BRWD1: variants seen among roughly 807,000 people sequenced by gnomAD.
The protein encoded by BRWD1 is bromodomain and WD repeat domain containing 1, also known as bromodomain and WD repeat-containing protein 1.
Under a neutral mutation model 251.2 loss-of-function variants are expected in BRWD1, and 82 were observed. That is an observed-to-expected ratio of 0.33 (90% confidence interval 0.27 to 0.39). The LOEUF (loss-of-function observed/expected upper bound fraction) is 0.39, where lower values mean the gene tolerates loss of function less well. BRWD1 is among the 10% of genes least tolerant of loss of function. The probability of loss-of-function intolerance (pLI) is 1.00; values close to 1 mark genes in which losing one functional copy is unlikely to be tolerated. For missense variants in BRWD1, 2,233 were observed against 2,711.6 expected (o/e 0.82, Z 3.92); for synonymous variants, 918 against 902.8 (o/e 1.02, Z -0.30).
chr21:39,231,357 TC>T (rs2033609542), intron 25 of BRWD1, among the ~76,000 whole-genome samples: 1 of 152,102 alleles, frequency 6.6e-6, no homozygotes, highest in African/African-American at 2.4e-5. Context: ...TGAAAATGTA[TC>T]CATCATTCAT....
In BRWD1 at chr21:39,189,994, G is replaced by C; in HGVS notation, c.*6265C>G. 2 of 985,354 alleles carry C rather than the reference G, an allele frequency of 2.0e-6. No homozygotes were observed. The highest frequency in any genetic ancestry group is 2.4e-6 in the Non-Finnish European group (2 of 829,906). 61.0% of individuals were successfully genotyped at this position (985,354 alleles called of 1,614,324 possible). A position where few individuals can be genotyped will look rare whatever the true frequency, so the allele number is the denominator to read the frequency against. On this transcript the variant is annotated 3_prime_UTR_variant, in exon 41 of 41. Transcript: ENST00000342449. The stretch of plus-strand genomic sequence containing the variant: ...GAGTGCTTGAGGACTTGTTTTCCTG[G>C]AAGTGATTCCCTACTTGGGTATGGC...
rs781176671 is a variant in BRWD1, at chr21:39,228,564, A to G, written c.3144T>C (p.Asp1048=). 1 of 1,611,542 alleles carries G rather than the reference A, an allele frequency of 6.2e-7. No individual in the cohort carries two copies. Among genetic ancestry groups the G allele is most frequent in the Non-Finnish European group, 8.5e-7 (1 of 1,178,010 alleles). ...SFSIRYHDMP[D]VIDFLVLRQF... is the part of the protein sequence containing the mutation. ...GACGCAATACAAGAAAGTCAATAAC[A>G]TCTGGCATATCATGATATCTAGACA... The change falls in exon 27 of 41, where the codon GAT becomes GAC. Residue 1048 remains aspartate, a synonymous_variant. Transcript: ENST00000342449.
chr21:39,207,451 A>AACAC (rs58765400), intron 36 of BRWD1, among the ~76,000 whole-genome samples: 2,792 of 131,294 alleles, frequency 0.021, 59 homozygotes, highest in Non-Finnish European at 0.03. Context: ...AAAAAAAGAA[A>AACAC]ACACACACAC....
chr21:39,218,015 T>G, intron 31 of BRWD1, 137 bp downstream of exon 31: 1 of 945,066 alleles, frequency 1.1e-6, no homozygotes, highest in Non-Finnish European at 1.5e-6. Flanking sequence ...TCTAACACCA[T>G]CTGACAATGA....
rs1215395988 is a variant in BRWD1 at position 39,195,501 on chromosome 21, T to G, written c.*758A>C. The G allele has an allele frequency of 3.5e-5, 34 of 984,902 alleles. No homozygotes were observed. The highest frequency in any genetic ancestry group is 3.7e-5 in the Non-Finnish European group (31 of 829,208). 61.0% of individuals were successfully genotyped at this position (984,902 alleles called of 1,614,324 possible). On this transcript the variant is annotated 3_prime_UTR_variant, in exon 41 of 41. Transcript: ENST00000342449. ...GAAGACAGATTATATAGCATTTTGT[T>G]AGTGCACAATTTAAAAGAAAATGCT...
chr21:39,313,197 A>T, intron 2 of BRWD1, 44 bp downstream of exon 2: 1 of 1,517,096 alleles, frequency 6.6e-7, no homozygotes, highest in Non-Finnish European at 8.9e-7. Context: ...CGGCGGGGAC[A>T]CTGGGGACGC....
upstream of BRWD1, chr21:39,314,666 C>A (rs2036658869): frequency 3.4e-6 from 1 of 293,634 alleles, no homozygotes; most frequent in African/African-American, 2.2e-5. Context: ...AGCAGTAACA[C>A]TCAGTGGTGT....
At chr21:39,269,104 T>C (rs773681804) in intron 15 of BRWD1, among the ~76,000 whole-genome samples, 1 of 152,210 alleles carries the variant, frequency 6.6e-6, no homozygotes, top group Non-Finnish European at 1.5e-5. Context: ...TCTAAAAAGA[T>C]GTTACTATAG....
intron 12 of BRWD1, among the ~76,000 whole-genome samples, chr21:39,274,969 G>C (rs2178838): frequency 6.6e-6 from 1 of 152,014 alleles, no homozygotes; most frequent in Non-Finnish European, 1.5e-5. Flanking sequence ...GAACCCAGGA[G>C]GGGGAGGTTG....
chr21:39,190,111 A>G lies in BRWD1; in HGVS notation c.*6148T>C, dbSNP rs1419797593. 4 of 984,740 alleles carry G rather than the reference A, an allele frequency of 4.1e-6. No homozygotes were observed. The Admixed American group carries it at 1.8e-4, about 45-fold the overall frequency. The allele number at this position is 984,740 out of a possible 1,614,324, so 61.0% of individuals were successfully genotyped here. A position where few individuals can be genotyped will look rare whatever the true frequency, so the allele number is the denominator to read the frequency against. On this transcript the variant is annotated 3_prime_UTR_variant, in exon 41 of 41. Transcript: ENST00000342449. ...CCACTTTAAATTATAACTCACAGATATGTGTGTATTCTAAGATGGTATATG... is the reference window on the plus strand; with the variant it reads ...CCACTTTAAATTATAACTCACAGATGTGTGTGTATTCTAAGATGGTATATG...
chr21:39,313,460 A>C lies in BRWD1; in HGVS notation c.32T>G (p.Val11Gly). MAEPSSARRP[V>G]PLIESELYFL... ...CGTCTTACCCGACTCGATGAGAGGCACCGGGCGTCGGGCGGACGACGGCTC... is the reference window on the plus strand; with the variant it reads ...CGTCTTACCCGACTCGATGAGAGGCCCCGGGCGTCGGGCGGACGACGGCTC... The change falls in exon 1 of 41, where the codon GTG (valine) becomes GGG (glycine). Residue 11 changes from valine to glycine, a missense_variant. Transcript: ENST00000342449. 1 of 1,315,120 alleles carries C rather than the reference A, an allele frequency of 7.6e-7. No homozygotes were observed. The highest frequency in any genetic ancestry group is 9.7e-7 in the Non-Finnish European group (1 of 1,035,078). The allele number at this position is 1,315,120 out of a possible 1,614,324, so 81.5% of individuals were successfully genotyped here.
At chr21:39,185,308 A>AAAAAAAAAAAC (rs2031162419), downstream of BRWD1, 1 of 150,468 alleles carries the variant, frequency 6.6e-6, no homozygotes, top group African/African-American at 2.4e-5. Context: ...AAAAAAAAAA[A>AAAAAAAAAAAC]AAAAAAAAAA....
intron 8 of BRWD1, among the ~76,000 whole-genome samples, chr21:39,281,135 C>T (rs142873782): frequency 2.6e-5 from 4 of 152,104 alleles, no homozygotes; most frequent in South Asian, 2.1e-4. Flanking sequence ...CAAAGTCATG[C>T]GGCAATGGGG....
At position 39,263,291 on chromosome 21, in the gene BRWD1, A is replaced by T. The variant is rs180771066; in HGVS notation, c.1885+1169T>A. Among the ~76,000 whole-genome samples, 12 of 152,344 alleles carry T rather than the reference A, an allele frequency of 7.9e-5. No homozygotes were observed. The East Asian group carries it at 2.3e-3, about 29-fold the overall frequency. On this transcript the variant is annotated intron_variant, in intron 17 of 40. Transcript: ENST00000342449. ...CAGTAAATCCTCATCCAAACAAACAAAATAGCATTTTTTCTTTAACATCTG... is the reference window on the plus strand; with the variant it reads ...CAGTAAATCCTCATCCAAACAAACATAATAGCATTTTTTCTTTAACATCTG...
intron 9 of BRWD1, 34 bp downstream of exon 9, chr21:39,280,114 A>C (rs2836971): frequency 0.59 from 861,413 of 1,451,098 alleles, 257,655 homozygotes; most frequent in Admixed American, 0.72. Context: ...CTACATTAAA[A>C]AACAAAACCT....
chr21:39,277,049 C>G (rs1273661692), intron 11 of BRWD1, among the ~76,000 whole-genome samples: 1 of 152,036 alleles, frequency 6.6e-6, no homozygotes, highest in Admixed American at 6.6e-5. Flanking sequence ...AGATAACATT[C>G]ACAAGCAATG....
At chr21:39,236,197 A>G (rs2033805089) in intron 23 of BRWD1, among the ~76,000 whole-genome samples, 2 of 152,176 alleles carry the variant, frequency 1.3e-5, no homozygotes, top group Non-Finnish European at 2.9e-5. Flanking sequence ...CCAGGGCCCC[A>G]GTCCTGCAAA....
chr21:39,236,971 T>C (rs1385759895), intron 22 of BRWD1, among the ~76,000 whole-genome samples, 187 bp from the exon 23 acceptor site: 1 of 150,568 alleles, frequency 6.6e-6, no homozygotes, highest in African/African-American at 2.5e-5. Context: ...ATGACAAACA[T>C]AAGAGAAAAA....
intron 8 of BRWD1, among the ~76,000 whole-genome samples, chr21:39,281,654 A>C (rs555457212): frequency 6.6e-6 from 1 of 152,282 alleles, no homozygotes; most frequent in African/African-American, 2.4e-5. Context: ...ACATGGTGAA[A>C]CACCACCTCT....
Sources: gnomAD v4.1 joint callset for allele counts (sites outside exome capture counted in the v4.1 genomes callset) on GRCh38, gnomAD v4.1.1 for gene constraint, MANE v1.5 for transcripts, NCBI Gene and HGNC (gene_info 2026-07-23, HGNC 2026-07-21) for gene names.